Variants in SPART observed in about 807,000 individuals in gnomAD.
The protein encoded by SPART is spastic paraplegia 20 (Troyer syndrome).
Under a neutral mutation model 58.7 loss-of-function variants are expected in SPART, and 35 were observed. The ratio of observed to expected loss-of-function variants is 0.60; its 90% CI spans 0.46 to 0.79. The LOEUF (loss-of-function observed/expected upper bound fraction) is 0.79. Among genes scored for constraint, SPART ranks in the 30% least tolerant of loss-of-function variants. The probability of loss-of-function intolerance (pLI) is 0.00; values close to 1 mark genes in which losing one functional copy is unlikely to be tolerated. For missense variants in SPART, 730 were observed against 786.1 expected (o/e 0.93, Z 0.85); for synonymous variants, 284 against 280.7 (o/e 1.01, Z -0.12).
intron 8 of SPART, among the ~76,000 whole-genome samples, chr13:36,309,336 C>T (rs1880850843): frequency 6.6e-6 from 1 of 151,584 alleles, no homozygotes; most frequent in Admixed American, 6.6e-5. Context: ...TAAACTAGTT[C>T]AGCCACTTTT....
intron 1 of SPART, among the ~76,000 whole-genome samples, chr13:36,359,314 G>A (rs1163355131): frequency 6.6e-6 from 1 of 152,164 alleles, no homozygotes; most frequent in Non-Finnish European, 1.5e-5. Flanking sequence ...TTAAATTGGA[G>A]TCTTTGACTT....
intron 5 of SPART, among the ~76,000 whole-genome samples, chr13:36,323,736 A>T (rs1466311067): frequency 6.6e-6 from 1 of 152,142 alleles, no homozygotes; most frequent in Non-Finnish European, 1.5e-5. Flanking sequence ...CGTTCTACCT[A>T]TTAAAAAGCT....
At chr13:36,328,901 C>T (rs1226505541) in intron 4 of SPART, among the ~76,000 whole-genome samples, 1 of 151,994 alleles carries the variant, frequency 6.6e-6, no homozygotes, top group Non-Finnish European at 1.5e-5. Flanking sequence ...GAGAATAACA[C>T]AAAACAAATA....
At chr13:36,339,632 A>AC (rs1884377550) in intron 1 of SPART, among the ~76,000 whole-genome samples, 1 of 148,654 alleles carries the variant, frequency 6.7e-6, no homozygotes, top group South Asian at 2.1e-4. Context: ...TCCATCAAAA[A>AC]AAAAAAAAAA....
chr13:36,357,311 A>G (rs1885660608), intron 1 of SPART, among the ~76,000 whole-genome samples: 1 of 152,174 alleles, frequency 6.6e-6, no homozygotes, highest in Non-Finnish European at 1.5e-5. Flanking sequence ...CACCCATGGG[A>G]TAGTTTTCTG....
intron 1 of SPART, among the ~76,000 whole-genome samples, chr13:36,345,049 ACT>A (rs1265390451): frequency 6.6e-6 from 1 of 152,210 alleles, no homozygotes; most frequent in African/African-American, 2.4e-5. Flanking sequence ...AAGAAGTAAC[ACT>A]CTCACTTAAC....
chr13:36,353,375 A>G (rs1047722861), intron 1 of SPART, among the ~76,000 whole-genome samples: 6 of 152,206 alleles, frequency 3.9e-5, no homozygotes, highest in African/African-American at 1.2e-4. Context: ...TAGATTTTCT[A>G]TGAGAGGTGG....
chr13:36,324,644 T>C (rs1025449551), intron 5 of SPART, among the ~76,000 whole-genome samples: 4 of 152,296 alleles, frequency 2.6e-5, no homozygotes, highest in Non-Finnish European at 4.4e-5. Context: ...GTTTGTTACA[T>C]AGCAGTAGTA....
chr13:36,368,535 T>C (rs543397288), intron 1 of SPART: 1 of 155,874 alleles, frequency 6.4e-6, no homozygotes, highest in East Asian at 1.9e-4. Flanking sequence ...GAACTTAAGA[T>C]ACCTTGTTGA....
chr13:36,340,979 T>C (rs1884520071), intron 1 of SPART, among the ~76,000 whole-genome samples: 2 of 152,114 alleles, frequency 1.3e-5, no homozygotes, highest in Non-Finnish European at 2.9e-5. Context: ...TATTGAAAGA[T>C]GGGAAGATGG....
Position 36,314,294 on chromosome 13 carries a change from A to G in SPART, c.1416T>C (p.Ala472=), listed in dbSNP as rs373274392. 6 of 1,614,064 alleles carry G rather than the reference A, an allele frequency of 3.7e-6. No individual in the cohort carries two copies. The highest frequency in any genetic ancestry group is 5.1e-6 in the Non-Finnish European group (6 of 1,180,044). ...PEEKPVEVSP[A]VTKGLYIAKQ... is the part of the protein sequence containing the mutation. ...TCGCTATATAAAGTCCCTTGGTGAC[A>G]GCTGGACTAACTTCCACGGGTTTTT... The change falls in exon 6 of 9, where the codon GCT becomes GCC. Residue 472 remains alanine (A), a synonymous_variant. Transcript: ENST00000438666.
At chr13:36,321,059 T>C (rs1030104697) in intron 5 of SPART, among the ~76,000 whole-genome samples, 1 of 152,178 alleles carries the variant, frequency 6.6e-6, no homozygotes, top group African/African-American at 2.4e-5. Context: ...TTCAGGCCTG[T>C]CCTCGGAATG....
upstream of SPART, among the ~76,000 whole-genome samples, chr13:36,347,647 T>C (rs914865213): frequency 6.6e-6 from 1 of 152,084 alleles, no homozygotes; most frequent in Admixed American, 6.6e-5. Flanking sequence ...AATACAGTGG[T>C]TTCAAAATGA....
intron 5 of SPART, among the ~76,000 whole-genome samples, chr13:36,319,426 C>T (rs1413881077): frequency 7.3e-5 from 11 of 150,838 alleles, no homozygotes; most frequent in Non-Finnish European, 1.2e-4. Context: ...CCCCACTCAA[C>T]GCCAATATCC....
chr13:36,329,962 G>A (rs1020688663), intron 3 of SPART, among the ~76,000 whole-genome samples: 1 of 152,186 alleles, frequency 6.6e-6, no homozygotes. Context: ...TTTGCTGAAT[G>A]AATGCTTAAG....
chr13:36,312,598 T>TC, intron 6 of SPART, 121 bp from the exon 7 acceptor site: 7 of 1,132,870 alleles, frequency 6.2e-6, no homozygotes, highest in Non-Finnish European at 8.9e-6. Context: ...ATGTTACAAT[T>TC]TCTTCTTAAG....
chr13:36,305,145 C>T (rs1880390377), intron 8 of SPART, among the ~76,000 whole-genome samples: 1 of 152,126 alleles, frequency 6.6e-6, no homozygotes, highest in Non-Finnish European at 1.5e-5. Context: ...CACTCACTGG[C>T]CTCCTTGCTG....
At chr13:36,320,011 A>C (rs1047939999) in intron 5 of SPART, among the ~76,000 whole-genome samples, 1 of 152,300 alleles carries the variant, frequency 6.6e-6, no homozygotes, top group East Asian at 1.9e-4. Flanking sequence ...TTCTTACACA[A>C]GAGCCAGGAC....
upstream of SPART, among the ~76,000 whole-genome samples, chr13:36,350,256 G>A (rs139056165): frequency 6.6e-6 from 1 of 152,168 alleles, no homozygotes; most frequent in African/African-American, 2.4e-5. Context: ...CTTAGATCTC[G>A]CAGGTGAGGT....
Sources: gnomAD v4.1 joint callset for allele counts (sites outside exome capture counted in the v4.1 genomes callset) on GRCh38, gnomAD v4.1.1 for gene constraint, MANE v1.5 for transcripts, NCBI Gene and HGNC (gene_info 2026-07-23, HGNC 2026-07-21) for gene names.